Variants in KIF6 observed in about 807,000 individuals in gnomAD.
The protein encoded by KIF6 is kinesin-like protein KIF6.
Under a neutral mutation model 112.7 loss-of-function variants are expected in KIF6, and 106 were observed. That is an observed-to-expected ratio of 0.94 (90% CI 0.80 to 1.11). The LOEUF (loss-of-function observed/expected upper bound fraction) is 1.11, where lower values mean the gene tolerates loss of function less well. Ranked by LOEUF, KIF6 falls within the 50% of genes least tolerant of loss-of-function variation. KIF6 has a pLI of 0.00. For synonymous variants in KIF6, 339 were observed against 339.9 expected, an observed-to-expected ratio of 1.00 and a Z score of 0.03; for missense variants, 929 against 964.0, an observed-to-expected ratio of 0.96 and a Z score of 0.48.
At chr6:39,347,112 C>A (rs988895581) in intron 19 of KIF6, among the ~76,000 whole-genome samples, 2 of 152,200 alleles carry the variant, frequency 1.3e-5, no homozygotes, top group African/African-American at 2.4e-5. Context: ...TAGATGTCAT[C>A]GTCTCCATTT....
Position 39,343,914 on chromosome 6 carries a change from CAGAA to C in KIF6, c.2322-103_2322-100del. 1.5e-6 allele frequency: 1 copy of C among 652,708 alleles called. No individual in the cohort carries two copies. Among genetic ancestry groups the C allele is most frequent in the Non-Finnish European group, 2.6e-6 (1 of 382,106 alleles). 40.4% of individuals were successfully genotyped at this position (652,708 alleles called of 1,614,324 possible). On this transcript the variant is annotated intron_variant, in intron 21 of 22. Coordinates refer to ENST00000287152, the MANE Select transcript of KIF6 (RefSeq NM_145027.6). This position sits in a 1 kb window ranked among gnomAD's most constrained non-coding sequence, Gnocchi z 4.1. ...TCCATTTTAGGTGACTGATCTCACT[CAGAA>C]AGCTACATGACACGGCTGGCCTGCT...
At position 39,720,044 on chromosome 6, in the gene KIF6, T is replaced by C. The variant is rs140594427; in HGVS notation, c.176+658A>G. ...CAAAAAGAAACAGCTGAAATTAATTTTAATAATATACTTTTAACCAAAGTT... is the reference window on the plus strand; with the variant it reads ...CAAAAAGAAACAGCTGAAATTAATTCTAATAATATACTTTTAACCAAAGTT... On this transcript the variant is annotated intron_variant, in intron 2 of 22. Transcript: ENST00000287152. Among the ~76,000 whole-genome samples the C allele has an allele frequency of 2.6e-4, 40 of 152,266 alleles. 1 individual carries two copies. In the East Asian group the frequency reaches 7.1e-3, roughly 27 times the overall value.
chr6:39,674,727 T>C (rs899659965), intron 3 of KIF6, among the ~76,000 whole-genome samples: 1 of 151,318 alleles, frequency 6.6e-6, no homozygotes, highest in African/African-American at 2.4e-5. Context: ...CTGTTTAATA[T>C]TTTTACCAAA....
At position 39,423,069 on chromosome 6, in the gene KIF6, C is replaced by T. The variant is rs577953529; in HGVS notation, c.1755-3066G>A. Among the ~76,000 whole-genome samples the T allele has an allele frequency of 4.6e-5, 7 of 152,288 alleles. No individual in the cohort carries two copies. The East Asian group carries it at 7.7e-4, about 17-fold the overall frequency. ...TGGTGCCAAAGCATTCCTATTAGGG[C>T]GTCGTTAGTTGTGTGGCTGGCTTTG... On this transcript the variant is annotated intron_variant, in intron 14 of 22. Transcript: ENST00000287152.
At chr6:39,649,367 G>C (rs543900934) in intron 3 of KIF6, among the ~76,000 whole-genome samples, 8 of 152,128 alleles carry the variant, frequency 5.3e-5, no homozygotes, top group Non-Finnish European at 1.2e-4. Flanking sequence ...AGAATATCTA[G>C]ATTAGAAATA....
At chr6:39,622,167 C>CAA (rs35199120) in intron 5 of KIF6, among the ~76,000 whole-genome samples, 2,957 of 121,762 alleles carry the variant, frequency 0.024, 87 homozygotes, top group African/African-American at 0.08. Context: ...AAATCCAGCT[C>CAA]AAAAAAAAAA....
chr6:39,340,604 G>A (rs190239925), intron 22 of KIF6, among the ~76,000 whole-genome samples: 1 of 152,266 alleles, frequency 6.6e-6, no homozygotes, highest in East Asian at 1.9e-4. Flanking sequence ...TTACAGGAGC[G>A]TTAAGAGCAT....
At position 39,657,194 on chromosome 6, in the gene KIF6, G is replaced by A. The variant is rs144475009; in HGVS notation, c.252-17437C>T. ...GTTGCAGTGAGCAGAGATAGCACCAGTGCACTCCAGCCTGGGCAACAAGAG... is the reference window on the plus strand; with the variant it reads ...GTTGCAGTGAGCAGAGATAGCACCAATGCACTCCAGCCTGGGCAACAAGAG... On this transcript the variant is annotated intron_variant, in intron 3 of 22. Transcript: ENST00000287152. Among the ~76,000 whole-genome samples the A allele has an allele frequency of 9.8e-3, 1,471 of 150,548 alleles. 30 individuals carry two copies. The highest frequency in any genetic ancestry group is 0.033 in the African/African-American group (1,356 of 40,922).
rs141933752 is a variant in KIF6, at chr6:39,402,235, G to A, written c.1811-16563C>T. On this transcript the variant is annotated intron_variant, in intron 15 of 22. Coordinates refer to ENST00000287152, the MANE Select transcript of KIF6 (RefSeq NM_145027.6). ...AAAAGGTACGATGTGTTACTGTGAT[G>A]GAAAGCACTGTCAACCAACCCTGGC... 2.6e-5 allele frequency among the ~76,000 whole-genome samples: 4 copies of A among 152,254 alleles called. No individual in the cohort carries two copies. In the East Asian group the frequency reaches 7.7e-4, roughly 29 times the overall value.
intron 10 of KIF6, among the ~76,000 whole-genome samples, chr6:39,546,518 A>G (rs1240712014): frequency 6.6e-6 from 1 of 152,072 alleles, no homozygotes; most frequent in Non-Finnish European, 1.5e-5. Context: ...GGACCATCCA[A>G]CCACTCTATT....
At chr6:39,675,959 T>C (rs952406925) in intron 3 of KIF6, among the ~76,000 whole-genome samples, 1 of 151,368 alleles carries the variant, frequency 6.6e-6, no homozygotes, top group Non-Finnish European at 1.5e-5. Context: ...AAAGAAAATA[T>C]ATTTTTCAAA....
At chr6:39,388,675 A>G (rs1767621533) in intron 15 of KIF6, among the ~76,000 whole-genome samples, 1 of 152,102 alleles carries the variant, frequency 6.6e-6, no homozygotes, top group East Asian at 1.9e-4. Context: ...GGGTTTTGGC[A>G]AAAAAAGGAG....
chr6:39,483,105 C>T (rs907230091), intron 13 of KIF6, among the ~76,000 whole-genome samples: 1 of 152,236 alleles, frequency 6.6e-6, no homozygotes, highest in Admixed American at 6.5e-5. Flanking sequence ...TCCTTCCCTT[C>T]TCTCTGCCAA....
chr6:39,427,527 T>C (rs1770858824), intron 14 of KIF6, among the ~76,000 whole-genome samples: 1 of 152,216 alleles, frequency 6.6e-6, no homozygotes, highest in Non-Finnish European at 1.5e-5. Flanking sequence ...ACATCCCCTA[T>C]ACCAAATAGT....
chr6:39,537,886 A>C (rs1040780737), intron 13 of KIF6, among the ~76,000 whole-genome samples: 9 of 152,240 alleles, frequency 5.9e-5, no homozygotes, highest in African/African-American at 2.2e-4. Context: ...CCAATGGAAC[A>C]GAACAGAGCC....
intron 13 of KIF6, among the ~76,000 whole-genome samples, chr6:39,504,989 G>T (rs1776348743): frequency 6.6e-6 from 1 of 152,138 alleles, no homozygotes; most frequent in African/African-American, 2.4e-5. Flanking sequence ...CACAGAATTA[G>T]AAAACACTAT....
intron 3 of KIF6, among the ~76,000 whole-genome samples, chr6:39,701,121 G>A (rs756406179): frequency 3.9e-5 from 6 of 152,270 alleles, no homozygotes; most frequent in South Asian, 2.1e-4. Context: ...GTTTTATTGC[G>A]ATGTTAACAT....
At chr6:39,374,235 T>C (rs962391491) in intron 16 of KIF6, among the ~76,000 whole-genome samples, 9 of 152,006 alleles carry the variant, frequency 5.9e-5, no homozygotes, top group Admixed American at 2.0e-4. Flanking sequence ...TCAAAATAGA[T>C]GAAAGACTTA....
chr6:39,520,547 C>A (rs554136758), intron 13 of KIF6, among the ~76,000 whole-genome samples: 3 of 152,180 alleles, frequency 2.0e-5, no homozygotes, highest in Admixed American at 1.3e-4. Context: ...GCAGATTCAC[C>A]GAAGCACAGC....
Sources: gnomAD v4.1 joint callset for allele counts (sites outside exome capture counted in the v4.1 genomes callset) on GRCh38, gnomAD v4.1.1 for gene constraint, Gnocchi (gnomAD v3.1) non-coding constraint, MANE v1.5 for transcripts, NCBI Gene and HGNC (gene_info 2026-07-23, HGNC 2026-07-21) for gene names.